Variants in SPANXN4 observed in about 807,000 individuals in gnomAD.
SPANXN4 encodes the protein SPANX family member N4.
In SPANXN4, 5 loss-of-function variants were observed where a neutral mutation model predicts 6.0. That is an observed-to-expected ratio of 0.83 (90% CI 0.44 to 1.75). The LOEUF is 1.75. SPANXN4 is among the 40% of genes most tolerant of loss of function. The pLI is 0.02. For synonymous variants in SPANXN4, 45 were observed against 38.0 expected, an observed-to-expected ratio of 1.19 and a Z score of -0.68; for missense variants, 157 against 108.6, an observed-to-expected ratio of 1.45 and a Z score of -1.98.
intron 1 of SPANXN4, among the ~76,000 whole-genome samples, chrX:143,029,806 G>GT (rs1932798990): frequency 9.0e-6 from 1 of 111,274 alleles, no homozygotes; most frequent in East Asian, 2.8e-4. Context: ...TAATGTGTTG[G>GT]TAAAGAGGGA....
intron 1 of SPANXN4, among the ~76,000 whole-genome samples, chrX:143,031,886 C>A (rs1006853471): frequency 7.2e-5 from 8 of 111,224 alleles, no homozygotes; most frequent in Non-Finnish European, 1.1e-4. Context: ...TTTTGAAAGG[C>A]AGTAGAGGAA....
chrX:143,035,824 A>G (rs1375345882), downstream of SPANXN4, among the ~76,000 whole-genome samples: 1 of 109,223 alleles, frequency 9.2e-6, no homozygotes, highest in African/African-American at 3.3e-5. Context: ...AAAAAAATTC[A>G]TGATATAATT....
At position 143,026,540 on chromosome X, in the gene SPANXN4, T is replaced by G. The variant is rs1049358594; in HGVS notation, c.78+448T>G. Among the ~76,000 whole-genome samples the G allele has an allele frequency of 2.7e-5, 3 of 111,705 alleles. No individual in the cohort carries two copies. In the Admixed American group the frequency reaches 2.8e-4, roughly 11 times the overall value. ...GAAGGGAGCTTACAAGAGAGTGCAG[T>G]TTAGACTGATATTCTTGCCTTCTAC... On this transcript the variant is annotated intron_variant, in intron 1 of 2. Transcript: ENST00000370504.
chrX:143,033,452 A>G (rs931168777), intron 1 of SPANXN4, among the ~76,000 whole-genome samples: 2 of 111,532 alleles, frequency 1.8e-5, no homozygotes, highest in Non-Finnish European at 3.8e-5. Flanking sequence ...CCACTCAAAC[A>G]GCAACACAGG....
In SPANXN4 at chrX:143,026,157, T is replaced by C. The variant is rs1050079003; in HGVS notation, c.78+65T>C. The C allele has an allele frequency of 5.0e-6, 5 of 991,392 alleles. No homozygotes were observed. The African/African-American group carries it at 9.7e-5, about 19-fold the overall frequency. 81.7% of individuals were successfully genotyped at this position (991,392 alleles called of 1,213,427 possible). On this transcript the variant is annotated intron_variant, in intron 1 of 2. Transcript: ENST00000370504. ...GAAAGACACACAGATAGGGCGCGGG[T>C]CAAACAGCAACACGGGTATACTGCA... is the stretch of plus-strand genomic sequence containing the variant.
intron 1 of SPANXN4, among the ~76,000 whole-genome samples, chrX:143,030,172 G>A (rs149813512): frequency 9.0e-6 from 1 of 110,825 alleles, no homozygotes; most frequent in African/African-American, 3.3e-5. Flanking sequence ...GGAATGCACA[G>A]CTGGAAGTAT....
intron 1 of SPANXN4, 134 bp downstream of exon 1, chrX:143,026,226 C>T (rs950378398): frequency 6.7e-5 from 35 of 526,040 alleles, no homozygotes; most frequent in East Asian, 2.6e-4. Flanking sequence ...CAGAGCCCAC[C>T]GCTACATACA....
At chrX:143,029,664 T>G (rs764086362) in intron 1 of SPANXN4, among the ~76,000 whole-genome samples, 1 of 110,290 alleles carries the variant, frequency 9.1e-6, no homozygotes, top group Admixed American at 9.7e-5. Flanking sequence ...AGGTTGAGAG[T>G]TTTATATCTC....
At chrX:143,031,087 A>AAGG (rs57752191) in intron 1 of SPANXN4, among the ~76,000 whole-genome samples, 28,726 of 109,779 alleles carry the variant, frequency 0.26, 3,379 homozygotes, top group East Asian at 0.45. Context: ...AGTAAAATAA[A>AAGG]AGTAGAATTG....
chrX:143,027,237 G>C (rs2124362164), intron 1 of SPANXN4, among the ~76,000 whole-genome samples: 1 of 112,371 alleles, frequency 8.9e-6, no homozygotes, highest in African/African-American at 3.2e-5. Flanking sequence ...CCCTGTGAGG[G>C]CATGACAGAA....
downstream of SPANXN4, among the ~76,000 whole-genome samples, chrX:143,037,819 T>A (rs1017796333): frequency 1.8e-5 from 2 of 111,337 alleles, no homozygotes; most frequent in African/African-American, 6.5e-5. Context: ...CCTCCTGCAT[T>A]CGTTCTCCTT....
chrX:143,032,629 A>G (rs62601926), intron 1 of SPANXN4, among the ~76,000 whole-genome samples: 1 of 109,965 alleles, frequency 9.1e-6, no homozygotes, highest in Non-Finnish European at 1.9e-5. Flanking sequence ...GGAGATAAGC[A>G]AAGCACTTTT....
At chrX:143,035,906 C>A (rs889418751), downstream of SPANXN4, among the ~76,000 whole-genome samples, 1 of 106,773 alleles carries the variant, frequency 9.4e-6, no homozygotes, top group Non-Finnish European at 1.9e-5. Context: ...ATTTTGTATC[C>A]TTTGACTTAC....
chrX:143,038,239 T>A (rs777282306), downstream of SPANXN4, among the ~76,000 whole-genome samples: 14 of 112,065 alleles, frequency 1.2e-4, no homozygotes, highest in Non-Finnish European at 2.6e-4. Context: ...TAGAATCATA[T>A]AACTGTTGGC....
intron 1 of SPANXN4, among the ~76,000 whole-genome samples, chrX:143,029,937 C>T (rs1932799883): frequency 9.0e-6 from 1 of 111,163 alleles, no homozygotes; most frequent in Non-Finnish European, 1.9e-5. Flanking sequence ...GGGGCGTCGC[C>T]GTATATTTGG....
intron 1 of SPANXN4, among the ~76,000 whole-genome samples, chrX:143,032,797 G>C (rs1932818505): frequency 9.0e-6 from 1 of 111,525 alleles, no homozygotes; most frequent in Non-Finnish European, 1.9e-5. Context: ...CCTCAGAAGG[G>C]AGTTAATATC....
chrX:143,031,918 T>G (rs749197666), intron 1 of SPANXN4, among the ~76,000 whole-genome samples: 1 of 111,859 alleles, frequency 8.9e-6, no homozygotes, highest in East Asian at 2.8e-4. Flanking sequence ...CAGCTTTATT[T>G]ATGCCAGCTA....
intron 1 of SPANXN4, among the ~76,000 whole-genome samples, 166 bp from the exon 2 acceptor site, chrX:143,033,859 C>T (rs781029116): frequency 9.0e-6 from 1 of 111,279 alleles, no homozygotes; most frequent in Non-Finnish European, 1.9e-5. Flanking sequence ...ACCCATGCTC[C>T]TCTTCTTCCC....
chrX:143,029,007 C>T (rs1932793739), intron 1 of SPANXN4, among the ~76,000 whole-genome samples: 1 of 111,816 alleles, frequency 8.9e-6, no homozygotes, highest in Admixed American at 9.5e-5. Context: ...TGAGGTAGAA[C>T]TATTTTTTCC....
Sources: allele counts gnomAD v4.1 joint callset (sites outside exome capture counted in the v4.1 genomes callset), GRCh38; gene constraint gnomAD v4.1.1; transcripts MANE v1.5; gene names NCBI Gene and HGNC (gene_info 2026-07-23, HGNC 2026-07-21).